The following KIFAP3 variants were observed in gnomAD, a reference collection of about 807,000 sequenced individuals.
KIFAP3 encodes the protein kinesin associated protein 3, also known as kinesin-associated protein 3.
Under a neutral mutation model 106.5 loss-of-function variants are expected in KIFAP3, and 68 were observed. The observed-to-expected ratio is 0.64, with a 90% CI of 0.53 to 0.78. The LOEUF (loss-of-function observed/expected upper bound fraction) is 0.78. KIFAP3 is among the 30% of genes least tolerant of loss of function. KIFAP3 has a pLI of 0.00. For synonymous variants in KIFAP3, 320 were observed against 311.5 expected, an observed-to-expected ratio of 1.03 and a Z score of -0.29; for missense variants, 780 against 941.8, an observed-to-expected ratio of 0.83 and a Z score of 2.25.
At chr1:170,019,370 A>G (rs1348307403) in intron 9 of KIFAP3, among the ~76,000 whole-genome samples, 2 of 152,178 alleles carry the variant, frequency 1.3e-5, no homozygotes, top group Non-Finnish European at 2.9e-5. Flanking sequence ...AGACCAAGAC[A>G]TTAGGAGAAA....
intron 19 of KIFAP3, among the ~76,000 whole-genome samples, chr1:169,929,469 T>C (rs1663343170): frequency 6.6e-6 from 1 of 152,118 alleles, no homozygotes; most frequent in Non-Finnish European, 1.5e-5. Flanking sequence ...AATGGCATCT[T>C]GTTTCTATAA....
At chr1:169,966,557 AAAT>A (rs1020734353) in intron 17 of KIFAP3, among the ~76,000 whole-genome samples, 24 of 151,774 alleles carry the variant, frequency 1.6e-4, no homozygotes, top group African/African-American at 5.5e-4. Context: ...CATAATTTTG[AAAT>A]AATATTTGGA....
intron 2 of KIFAP3, among the ~76,000 whole-genome samples, chr1:170,048,747 A>T (rs1670411370): frequency 6.6e-6 from 1 of 151,358 alleles, no homozygotes; most frequent in African/African-American, 2.4e-5. Flanking sequence ...GAGCTGGGGG[A>T]CCTCCCTCAC....
chr1:169,959,672 T>C (rs1016537816), intron 18 of KIFAP3, among the ~76,000 whole-genome samples: 9 of 152,158 alleles, frequency 5.9e-5, no homozygotes, highest in Non-Finnish European at 8.8e-5. Context: ...AGGTGGTTAA[T>C]AGCTTTATCT....
chr1:169,936,842 T>C (rs1045271377), intron 19 of KIFAP3, among the ~76,000 whole-genome samples: 15 of 151,432 alleles, frequency 9.9e-5, no homozygotes, highest in Admixed American at 5.9e-4. Flanking sequence ...AATTCAGAAA[T>C]GTTTAAGATG....
chr1:169,929,916 A>C (rs573491981), intron 19 of KIFAP3, among the ~76,000 whole-genome samples: 1 of 152,296 alleles, frequency 6.6e-6, no homozygotes, highest in African/African-American at 2.4e-5. Flanking sequence ...TAGTTACTAC[A>C]CTGAGATACT....
chr1:170,008,921 T>C (rs1459022589), intron 10 of KIFAP3, among the ~76,000 whole-genome samples: 10 of 152,154 alleles, frequency 6.6e-5, no homozygotes, highest in African/African-American at 2.4e-4. Context: ...ATATACAACA[T>C]GGAATACTAT....
intron 1 of KIFAP3, among the ~76,000 whole-genome samples, chr1:170,080,665 T>A (rs1303216529): frequency 6.6e-6 from 1 of 152,150 alleles, no homozygotes; most frequent in African/African-American, 2.4e-5. Flanking sequence ...TCACAGAAAG[T>A]TGCAGAAACG....
chr1:170,034,402 G>C lies in KIFAP3; in HGVS notation c.712C>G (p.Gln238Glu). The C allele has an allele frequency of 6.2e-7, 1 of 1,605,888 alleles. No individual in the cohort carries two copies. The highest frequency in any genetic ancestry group is 8.5e-7 in the Non-Finnish European group (1 of 1,176,182). Residue 238 changes from glutamine (Q) to glutamate (E), a missense_variant, in exon 7 of 20, where the codon CAA (glutamine) becomes GAA (glutamate). By Grantham distance (29) the Gln-to-Glu change is conservative. Transcript: ENST00000361580. ...DHELKRHELW[Q>E]EELSKKKKAV... ...TTCTTCTTCTTTGAGAGTTCTTCTT[G>C]CCAAAGCTCATGTCTTTTTAACTCA...
At chr1:170,039,313 A>T (rs1353046684) in intron 3 of KIFAP3, 25 bp from the exon 4 acceptor site, 2 of 1,370,172 alleles carry the variant, frequency 1.5e-6, no homozygotes, top group African/African-American at 2.9e-5. Context: ...TTTTTTAATA[A>T]GGAGACTTAG....
intron 10 of KIFAP3, among the ~76,000 whole-genome samples, chr1:169,994,791 C>T (rs1305101854): frequency 1.3e-5 from 2 of 151,632 alleles, no homozygotes; most frequent in Non-Finnish European, 2.9e-5. Context: ...AGAGTCAAAT[C>T]ATTTAAGGTA....
Position 170,065,611 on chromosome 1 carries a change from C to A in KIFAP3, c.32+8825G>T, listed in dbSNP as rs1319189000. ...CCTGGGCGACAGAGCAAGACTCCAC[C>A]TCAAAAAAAAAAAAAAAAAAAAAAA... On this transcript the variant is annotated intron_variant, in intron 1 of 19. Transcript: ENST00000361580. 2.3e-4 allele frequency among the ~76,000 whole-genome samples: 21 copies of A among 90,580 alleles called. 1 individual carries two copies. Among genetic ancestry groups the A allele is most frequent in the Middle Eastern group, 6.6e-3 (1 of 152 alleles). The allele number at this position is 90,580 out of a possible 152,430, so 59.4% of individuals were successfully genotyped here.
At chr1:170,055,104 T>C (rs1342843355) in intron 2 of KIFAP3, among the ~76,000 whole-genome samples, 1 of 152,226 alleles carries the variant, frequency 6.6e-6, no homozygotes, top group Non-Finnish European at 1.5e-5. Flanking sequence ...AGGTTCCTAT[T>C]AAGCTTACAA....
In KIFAP3 at chr1:170,046,795, T is replaced by C; in HGVS notation, c.236A>G (p.Lys79Arg). 6.2e-7 allele frequency: 1 copy of C among 1,610,548 alleles called. No homozygotes were observed. The change falls in exon 3 of 20, where the codon AAA (lysine) becomes AGA (arginine). Residue 79 changes from lysine (K) to arginine (R), a missense_variant. Physicochemically the swap from Lys to Arg is conservative, Grantham distance 26. Around this residue, in one of 3 missense-constraint regions of KIFAP3, gnomAD observed 588 missense variants for 678.9 expected, o/e 0.87. Coordinates refer to ENST00000361580, the MANE Select transcript of KIFAP3 (RefSeq NM_014970.4). ...ATTTAGTTTTGAAGGATGAATGAGT[T>C]TACATTCTTCAACCACCTTCCTTGC... ...SLARKVVEEC[K>R]LIHPSKLNEV...
At chr1:169,980,796 A>G (rs1368741859) in intron 15 of KIFAP3, among the ~76,000 whole-genome samples, 1 of 152,166 alleles carries the variant, frequency 6.6e-6, no homozygotes, top group Non-Finnish European at 1.5e-5. Flanking sequence ...AACCAACACA[A>G]ATCTCAACAG....
rs656848 is a variant in KIFAP3 at position 169,937,774 on chromosome 1, A to T, written c.2274-15993T>A. Reference sequence around the variant, plus strand: ...TTACACCATCCTCTAAAGATACAGCAGTAAAAATTCTTAATACAAATACTC... The same window carrying T: ...TTACACCATCCTCTAAAGATACAGCTGTAAAAATTCTTAATACAAATACTC... On this transcript the variant is annotated intron_variant, in intron 19 of 19. Transcript: ENST00000361580. Among the ~76,000 whole-genome samples, 135 of 151,732 alleles carry T rather than the reference A, an allele frequency of 8.9e-4. 1 individual carries two copies. Among genetic ancestry groups the T allele is most frequent in the African/African-American group, 3.0e-3 (125 of 41,480 alleles).
intron 11 of KIFAP3, among the ~76,000 whole-genome samples, chr1:169,985,349 C>G (rs1421812982): frequency 2.0e-5 from 3 of 151,712 alleles, no homozygotes; most frequent in Non-Finnish European, 4.4e-5. Context: ...GGTGTCTGAA[C>G]TAGGTAGAGA....
chr1:170,083,163 C>T (rs1013071506), intron 1 of KIFAP3, among the ~76,000 whole-genome samples: 1 of 151,954 alleles, frequency 6.6e-6, no homozygotes, highest in Non-Finnish European at 1.5e-5. Flanking sequence ...TAGAGACAAG[C>T]CAATATTTAA....
At chr1:169,936,912 T>C (rs965230794) in intron 19 of KIFAP3, among the ~76,000 whole-genome samples, 1 of 150,228 alleles carries the variant, frequency 6.7e-6, no homozygotes, top group African/African-American at 2.4e-5. Flanking sequence ...TACACTAGAA[T>C]AAACATCTTA....
Sources: allele counts gnomAD v4.1 joint callset (sites outside exome capture counted in the v4.1 genomes callset), GRCh38; gene constraint gnomAD v4.1.1; regional missense constraint gnomAD v4.1.1; transcripts MANE v1.5; gene names NCBI Gene and HGNC (gene_info 2026-07-23, HGNC 2026-07-21).